ZNF277: variants seen among roughly 807,000 people sequenced by gnomAD.
ZNF277 encodes nuclear receptor-interacting factor 4.
In ZNF277, 55 loss-of-function variants were observed where a neutral mutation model predicts 60.7. The observed-to-expected ratio is 0.91, with a 90% CI of 0.73 to 1.13. The LOEUF is 1.13. ZNF277 is among the 50% of genes most tolerant of loss of function. The probability of loss-of-function intolerance (pLI) is 0.00; values close to 1 mark genes in which losing one functional copy is unlikely to be tolerated. For synonymous variants in ZNF277, 178 were observed against 179.3 expected, an observed-to-expected ratio of 0.99 and a Z score of 0.06; for missense variants, 510 against 523.0, an observed-to-expected ratio of 0.98 and a Z score of 0.24.
intron 4 of ZNF277, among the ~76,000 whole-genome samples, chr7:112,305,066 T>A (rs1375935570): frequency 1.3e-5 from 2 of 152,092 alleles, no homozygotes; most frequent in Non-Finnish European, 2.9e-5. Context: ...GACTTCGCAC[T>A]TGCTGTTTGC....
chr7:112,226,371 A>C (rs1822176334), intron 1 of ZNF277, among the ~76,000 whole-genome samples: 1 of 152,176 alleles, frequency 6.6e-6, no homozygotes, highest in Non-Finnish European at 1.5e-5. Flanking sequence ...CATTATATAC[A>C]AGAAGCCAGA....
intron 4 of ZNF277, among the ~76,000 whole-genome samples, chr7:112,311,691 T>G (rs1351049406): frequency 6.7e-6 from 1 of 148,550 alleles, no homozygotes; most frequent in Non-Finnish European, 1.5e-5. Context: ...CTAAGCTTTA[T>G]GAAGGAAAGA....
chr7:112,277,961 G>GT (rs1791848372), intron 1 of ZNF277, among the ~76,000 whole-genome samples: 1 of 152,108 alleles, frequency 6.6e-6, no homozygotes, highest in Non-Finnish European at 1.5e-5. Context: ...AGGATCATTT[G>GT]TTTTTTATCT....
chr7:112,247,169 T>G (rs1336456841), intron 1 of ZNF277, among the ~76,000 whole-genome samples: 1 of 152,170 alleles, frequency 6.6e-6, no homozygotes, highest in Admixed American at 6.6e-5. Flanking sequence ...TTTTTTGCCT[T>G]TAAAAATCCA....
At chr7:112,275,315 G>C (rs970504131) in intron 1 of ZNF277, among the ~76,000 whole-genome samples, 1 of 152,172 alleles carries the variant, frequency 6.6e-6, no homozygotes, top group Admixed American at 6.5e-5. Context: ...GTAAGAACTC[G>C]TAGTAGTCTT....
intron 1 of ZNF277, among the ~76,000 whole-genome samples, chr7:112,222,709 A>T (rs1822064662): frequency 6.6e-6 from 1 of 152,146 alleles, no homozygotes; most frequent in Non-Finnish European, 1.5e-5. Context: ...TGCCCTTGGG[A>T]TATGAATAGG....
intron 11 of ZNF277, 97 bp from the exon 12 acceptor site, chr7:112,342,464 G>T: frequency 1.8e-6 from 2 of 1,084,614 alleles, no homozygotes; most frequent in African/African-American, 3.2e-5. Flanking sequence ...TTGTTGGCAA[G>T]GATACCTGAC....
chr7:112,217,151 C>T (rs1431116520), intron 1 of ZNF277, among the ~76,000 whole-genome samples: 1 of 152,108 alleles, frequency 6.6e-6, no homozygotes, highest in Non-Finnish European at 1.5e-5. Flanking sequence ...ATAAGAAGTA[C>T]ATATTACAAG....
intron 4 of ZNF277, among the ~76,000 whole-genome samples, chr7:112,307,206 G>T (rs1792616284): frequency 6.6e-6 from 1 of 152,030 alleles, no homozygotes; most frequent in Non-Finnish European, 1.5e-5. Flanking sequence ...AGCCCATGGG[G>T]GGAGTTGGAC....
At chr7:112,256,783 GT>G (rs1284753109) in intron 1 of ZNF277, among the ~76,000 whole-genome samples, 2 of 152,224 alleles carry the variant, frequency 1.3e-5, no homozygotes, top group South Asian at 2.1e-4. Context: ...GGGATAGAAT[GT>G]TTTTGTGCAT....
chr7:112,287,685 C>G (rs949054934), intron 2 of ZNF277: 1 of 152,134 alleles, frequency 6.6e-6, no homozygotes, highest in Non-Finnish European at 1.5e-5. Context: ...TGCCACCACG[C>G]CCAGCTAATT....
intron 6 of ZNF277, 129 bp from the exon 7 acceptor site, chr7:112,329,955 G>T: frequency 9.7e-7 from 1 of 1,035,808 alleles, no homozygotes. Flanking sequence ...ATTCTGACAA[G>T]GATGGTATAT....
rs145181377 is a variant in ZNF277, at chr7:112,316,133, A to G, written c.466-2049A>G. The stretch of plus-strand genomic sequence containing the variant: ...CAGGGAGTCAGTAGATAGTTTCATG[A>G]GATCCCTTTCAGCTGTCATGTTGTA... On this transcript the variant is annotated intron_variant, in intron 4 of 11. Transcript: ENST00000361822. 2.6e-3 allele frequency among the ~76,000 whole-genome samples: 400 copies of G among 152,288 alleles called. 2 individuals are homozygous for G. Among genetic ancestry groups the G allele is most frequent in the African/African-American group, 9.0e-3 (372 of 41,562 alleles).
intron 1 of ZNF277, among the ~76,000 whole-genome samples, chr7:112,246,043 A>T (rs1791074401): frequency 6.6e-6 from 1 of 152,200 alleles, no homozygotes; most frequent in Non-Finnish European, 1.5e-5. Flanking sequence ...TCACTAAAGA[A>T]TGTCCAGGTA....
intron 1 of ZNF277, among the ~76,000 whole-genome samples, chr7:112,221,689 C>G (rs1287114008): frequency 6.6e-6 from 1 of 152,056 alleles, no homozygotes; most frequent in Admixed American, 6.6e-5. Flanking sequence ...AACCTAGATC[C>G]CTTGCATGCA....
chr7:112,325,525 A>G (rs968746191), intron 5 of ZNF277, among the ~76,000 whole-genome samples: 1 of 152,114 alleles, frequency 6.6e-6, no homozygotes, highest in Non-Finnish European at 1.5e-5. Context: ...CAACACTCAT[A>G]TCTGCTTTGA....
intron 4 of ZNF277, among the ~76,000 whole-genome samples, chr7:112,301,275 T>G (rs1313531025): frequency 6.6e-6 from 1 of 152,028 alleles, no homozygotes; most frequent in Admixed American, 6.6e-5. Flanking sequence ...GGTGCTGGAA[T>G]TACAAGAGCA....
At chr7:112,236,741 C>T (rs1162904778) in intron 1 of ZNF277, among the ~76,000 whole-genome samples, 1 of 151,976 alleles carries the variant, frequency 6.6e-6, no homozygotes, top group Non-Finnish European at 1.5e-5. Flanking sequence ...TTTTAAATTA[C>T]AACCCAAAAG....
chr7:112,286,833 CTTTCTTTCTTTTTT>C, intron 1 of ZNF277, 26 bp from the exon 2 acceptor site: 1 of 1,294,104 alleles, frequency 7.7e-7, no homozygotes, highest in African/African-American at 2.5e-5. Context: ...TTCAGCTTTT[CTTTCTTTCTTTTTT>C]TTTTTTTTTT....
Sources: allele counts gnomAD v4.1 joint callset (sites outside exome capture counted in the v4.1 genomes callset), GRCh38; gene constraint gnomAD v4.1.1; transcripts MANE v1.5; gene names NCBI Gene and HGNC (gene_info 2026-07-23, HGNC 2026-07-21).